CWF19L2: variants seen among roughly 807,000 people sequenced by gnomAD.
The protein encoded by CWF19L2 is CWF19-like protein 2.
Under a neutral mutation model 111.7 loss-of-function variants are expected in CWF19L2, and 98 were observed. The observed-to-expected ratio is 0.88, with a 90% CI of 0.75 to 1.04. The LOEUF (loss-of-function observed/expected upper bound fraction) is 1.04, where lower values mean the gene tolerates loss of function less well. CWF19L2 is among the 50% of genes least tolerant of loss of function. The pLI is 0.00. For synonymous variants in CWF19L2, 351 were observed against 342.9 expected, an observed-to-expected ratio of 1.02 and a Z score of -0.26; for missense variants, 1,101 against 1,051.4, an observed-to-expected ratio of 1.05 and a Z score of -0.65.
At chr11:107,335,946 G>C (rs181793267) in intron 15 of CWF19L2, among the ~76,000 whole-genome samples, 12 of 152,250 alleles carry the variant, frequency 7.9e-5, no homozygotes, top group Admixed American at 5.9e-4. Context: ...TGTAGGCCAG[G>C]TGCAGTGGCT....
intron 3 of CWF19L2, among the ~76,000 whole-genome samples, chr11:107,445,817 T>G (rs777951927): frequency 1.2e-4 from 19 of 152,194 alleles, no homozygotes; most frequent in Non-Finnish European, 2.4e-4. Context: ...CTGCTAGTTA[T>G]CCCTCTTCTT....
At chr11:107,363,248 T>A (rs143080138) in intron 12 of CWF19L2, among the ~76,000 whole-genome samples, 6 of 152,086 alleles carry the variant, frequency 3.9e-5, no homozygotes, top group African/African-American at 1.4e-4. Context: ...GAAAACACTC[T>A]GCGGGATATT....
At chr11:107,440,051 T>C (rs1861600100) in intron 5 of CWF19L2, among the ~76,000 whole-genome samples, 1 of 152,180 alleles carries the variant, frequency 6.6e-6, no homozygotes, top group Non-Finnish European at 1.5e-5. Flanking sequence ...ACTGGGACTG[T>C]AATGTGTGAC....
intron 14 of CWF19L2, among the ~76,000 whole-genome samples, chr11:107,338,736 A>C (rs1859963286): frequency 6.6e-6 from 1 of 152,210 alleles, no homozygotes; most frequent in Non-Finnish European, 1.5e-5. Flanking sequence ...ATGTCCCTGC[A>C]AAGGACATGA....
chr11:107,361,896 A>G (rs1860346835), intron 12 of CWF19L2, among the ~76,000 whole-genome samples: 1 of 152,252 alleles, frequency 6.6e-6, no homozygotes, highest in Admixed American at 6.5e-5. Flanking sequence ...TGATTTGTGC[A>G]TTTCCATCTG....
At chr11:107,429,510 AC>A in intron 7 of CWF19L2, 59 bp from the exon 8 acceptor site, 1 of 1,318,150 alleles carries the variant, frequency 7.6e-7, no homozygotes. Flanking sequence ...AGTGACTTGC[AC>A]CCCACATGTC....
At chr11:107,423,070 T>G (rs1591195612) in intron 8 of CWF19L2, among the ~76,000 whole-genome samples, 1 of 151,968 alleles carries the variant, frequency 6.6e-6, no homozygotes, top group African/African-American at 2.4e-5. Context: ...CAGGAGAATG[T>G]TATTACTTTT....
chr11:107,382,679 G>A lies in CWF19L2; in HGVS notation c.1872+7395C>T, dbSNP rs116851554. ...ACACTTCTGTGGTGTTATGATATGC[G>A]TTGGTTTTCATTCACAGTTCCTGAT... is the stretch of plus-strand genomic sequence containing the variant. On this transcript the variant is annotated intron_variant, in intron 12 of 17. Coordinates refer to ENST00000282251, the MANE Select transcript of CWF19L2 (RefSeq NM_152434.3). Among the ~76,000 whole-genome samples, 30 of 152,270 alleles carry A rather than the reference G, an allele frequency of 2.0e-4. No individual in the cohort carries two copies. In the East Asian group the frequency reaches 5.0e-3, roughly 25 times the overall value.
At position 107,418,232 on chromosome 11, in the gene CWF19L2, C is replaced by T. The variant is rs1861254998; in HGVS notation, c.1489G>A (p.Gly497Arg). 1 of 1,612,856 alleles carries T rather than the reference C, an allele frequency of 6.2e-7. No individual in the cohort carries two copies. The highest frequency in any genetic ancestry group is 1.3e-5 in the African/African-American group (1 of 74,888). ...ATCTCTGCTTTGATAATCTTGGCTC[C>T]CAACTTGTTCTTCTCATCAACACTC... ...ILSVDEKNKL[G>R]AKIIKAEMMG... Residue 497 changes from glycine to arginine, a missense_variant, in exon 9 of 18, where the codon GGA (glycine) becomes AGA (arginine). By Grantham distance (125) the Gly-to-Arg change is moderately radical. Coordinates refer to ENST00000282251, the MANE Select transcript of CWF19L2 (RefSeq NM_152434.3).
At chr11:107,456,693 A>G (rs1452076741) in intron 1 of CWF19L2, among the ~76,000 whole-genome samples, 1 of 152,170 alleles carries the variant, frequency 6.6e-6, no homozygotes, top group African/African-American at 2.4e-5. Context: ...AGGTAGTCCA[A>G]CATTCTGCAG....
At chr11:107,457,563 G>A (rs1861873014) in intron 1 of CWF19L2, 149 bp downstream of exon 1, 1 of 600,936 alleles carries the variant, frequency 1.7e-6, no homozygotes, top group Admixed American at 3.0e-5. Context: ...GCTACAAAAG[G>A]GTTTACCGGC....
chr11:107,362,505 G>T (rs1247854418), intron 12 of CWF19L2, among the ~76,000 whole-genome samples: 1 of 152,114 alleles, frequency 6.6e-6, no homozygotes, highest in Admixed American at 6.5e-5. Flanking sequence ...TCCTCAAGTG[G>T]GTCCCTGACC....
chr11:107,353,920 G>A (rs1466822633), intron 12 of CWF19L2, among the ~76,000 whole-genome samples, 184 bp from the exon 13 acceptor site: 1 of 152,048 alleles, frequency 6.6e-6, no homozygotes, highest in Non-Finnish European at 1.5e-5. Context: ...CATCACCACA[G>A]CTAAAGTTTA....
At chr11:107,420,476 T>C (rs1861287827) in intron 8 of CWF19L2, among the ~76,000 whole-genome samples, 1 of 152,070 alleles carries the variant, frequency 6.6e-6, no homozygotes. Flanking sequence ...TTTGAATACA[T>C]GAGCAAAAAC....
At chr11:107,330,526 G>A (rs1859830316) in intron 16 of CWF19L2, among the ~76,000 whole-genome samples, 1 of 151,608 alleles carries the variant, frequency 6.6e-6, no homozygotes, top group South Asian at 2.1e-4. Context: ...GCAACACTTA[G>A]TTTACCAGCC....
At chr11:107,416,155 G>A (rs1861223542) in intron 10 of CWF19L2, 54 bp downstream of exon 10, 10 of 446,764 alleles carry the variant, frequency 2.2e-5, no homozygotes, top group Admixed American at 1.0e-4. Flanking sequence ...TATTACCACT[G>A]CCCGGTGGTA....
chr11:107,455,819 A>T, intron 1 of CWF19L2, 43 bp from the exon 2 acceptor site: 1 of 1,248,096 alleles, frequency 8.0e-7, no homozygotes. Flanking sequence ...CAATTGACCC[A>T]ACTGGGTTTC....
rs1446330827 is a variant in CWF19L2 at position 107,327,045 on chromosome 11, T to C, written c.2550A>G (p.Ile850Met). The C allele has an allele frequency of 1.3e-6, 2 of 1,590,634 alleles. No individual in the cohort carries two copies. Among genetic ancestry groups the C allele is most frequent in the East Asian group, 4.5e-5 (2 of 44,368 alleles). The change falls in exon 18 of 18, where the codon ATA becomes ATG. Residue 850 changes from isoleucine to methionine, a missense_variant. Coordinates refer to ENST00000282251, the MANE Select transcript of CWF19L2 (RefSeq NM_152434.3). ...KFPHYFGKEI[I>M]GGMLDIEPRL... is the part of the protein sequence containing the mutation. ...TTGGTTCTATATCCAGCATCCCACCTATGATTTCCTTTTAAAGAAAGAGAA... is the reference window on the plus strand; with the variant it reads ...TTGGTTCTATATCCAGCATCCCACCCATGATTTCCTTTTAAAGAAAGAGAA...
chr11:107,401,633 A>G (rs1394234141), intron 10 of CWF19L2, among the ~76,000 whole-genome samples: 2 of 152,318 alleles, frequency 1.3e-5, no homozygotes, highest in East Asian at 1.9e-4. Flanking sequence ...AGTAGAATCA[A>G]TATTGTGAAA....
Sources: allele counts gnomAD v4.1 joint callset (sites outside exome capture counted in the v4.1 genomes callset), GRCh38; gene constraint gnomAD v4.1.1; transcripts MANE v1.5; gene names NCBI Gene and HGNC (gene_info 2026-07-23, HGNC 2026-07-21).